Variants in BCKDHB observed in about 807,000 individuals in gnomAD.
BCKDHB encodes 2-oxoisovalerate dehydrogenase subunit beta, mitochondrial.
A neutral mutation model predicts 48.5 loss-of-function variants in BCKDHB; 41 were observed. The observed-to-expected ratio is 0.85, with a 90% CI of 0.66 to 1.10. The LOEUF is 1.10. BCKDHB is among the 50% of genes least tolerant of loss of function. The pLI, the probability that BCKDHB is intolerant of heterozygous loss-of-function variation, is 0.00. For missense variants in BCKDHB, 496 were observed against 494.2 expected, an observed-to-expected ratio of 1.00 and a Z score of -0.03; for synonymous variants, 201 against 174.8, an observed-to-expected ratio of 1.15 and a Z score of -1.18.
the BCKDHB span, among the ~76,000 whole-genome samples, chr6:80,394,238 C>G: frequency 3.9e-5 from 6 of 152,166 alleles, no homozygotes; most frequent in South Asian, 1.2e-3. Context: ...TCTACTGTTT[C>G]AATCTCTTTA....
In BCKDHB at chr6:80,171,342, A is replaced by G; in HGVS notation, c.694A>G (p.Lys232Glu). 1.2e-6 allele frequency: 2 copies of G among 1,608,366 alleles called. No homozygotes were observed. Among genetic ancestry groups the G allele is most frequent in the Non-Finnish European group, 1.7e-6 (2 of 1,177,788 alleles). ...ACTTCTTTTGTCATGCATAGAGGAT[A>G]AAAATCCTTGTATATTTTTTGAACC... is the stretch of plus-strand genomic sequence containing the variant. Reference protein sequence around the residue: ...KGLLLSCIEDKNPCIFFEPKI... With the variant: ...KGLLLSCIEDENPCIFFEPKI... Residue 232 changes from lysine to glutamate, a missense_variant, in exon 6 of 10, where the codon AAA becomes GAA. Transcript: ENST00000320393.
At chr6:80,256,665 CA>C (rs1777065907) in intron 8 of BCKDHB, among the ~76,000 whole-genome samples, 3 of 152,222 alleles carry the variant, frequency 2.0e-5, no homozygotes, top group African/African-American at 7.2e-5. Context: ...TTAACAGTCT[CA>C]GGTAGTTCTT....
intron 8 of BCKDHB, among the ~76,000 whole-genome samples, chr6:80,237,321 G>A (rs1420003129): frequency 6.6e-6 from 1 of 152,192 alleles, no homozygotes; most frequent in Non-Finnish European, 1.5e-5. Context: ...TCGGCTGATT[G>A]AGTAACTGAA....
chr6:80,113,286 C>T (rs188575788), intron 1 of BCKDHB, among the ~76,000 whole-genome samples: 12 of 152,326 alleles, frequency 7.9e-5, no homozygotes, highest in Admixed American at 7.8e-4. Context: ...CAGCTATCCC[C>T]CTTGGCCTTC....
At chr6:80,188,462 C>T (rs911937049) in intron 6 of BCKDHB, among the ~76,000 whole-genome samples, 1 of 151,934 alleles carries the variant, frequency 6.6e-6, no homozygotes, top group African/African-American at 2.4e-5. Context: ...ATGGTGAGAC[C>T]CCCGTCTCTA....
intron 6 of BCKDHB, among the ~76,000 whole-genome samples, chr6:80,178,589 C>A (rs1341305884): frequency 6.6e-6 from 1 of 152,104 alleles, no homozygotes; most frequent in African/African-American, 2.4e-5. Flanking sequence ...TCTTTAAGTA[C>A]CATTAGAACA....
intron 9 of BCKDHB, among the ~76,000 whole-genome samples, chr6:80,337,355 C>T (rs1407150752): frequency 6.6e-6 from 1 of 152,042 alleles, no homozygotes; most frequent in Non-Finnish European, 1.5e-5. Context: ...TTGTTTTTCT[C>T]ATATTCTTAG....
the BCKDHB span, among the ~76,000 whole-genome samples, chr6:80,416,000 G>A: frequency 1.4e-4 from 21 of 151,990 alleles, no homozygotes; most frequent in African/African-American, 4.6e-4. Context: ...TCTGTTTTGG[G>A]AGGGTGTATT....
intron 8 of BCKDHB, among the ~76,000 whole-genome samples, chr6:80,230,032 T>G (rs1442977017): frequency 8.5e-4 from 100 of 117,304 alleles, no homozygotes; most frequent in African/African-American, 3.0e-3. Context: ...GGTTGTTTTT[T>G]TTTTTTTTTT....
chr6:80,259,375 A>G (rs1158730007), intron 8 of BCKDHB, among the ~76,000 whole-genome samples: 1 of 152,202 alleles, frequency 6.6e-6, no homozygotes, highest in Non-Finnish European at 1.5e-5. Context: ...ACGCTTTGGC[A>G]TCATAAAGTA....
intron 9 of BCKDHB, among the ~76,000 whole-genome samples, chr6:80,321,493 G>T (rs1040769047): frequency 1.2e-4 from 19 of 152,146 alleles, no homozygotes; most frequent in Admixed American, 1.2e-3. Flanking sequence ...TGGTCATGAG[G>T]ATGGTGTTGG....
the BCKDHB span, among the ~76,000 whole-genome samples, chr6:80,462,468 G>A: frequency 6.6e-6 from 1 of 152,130 alleles, no homozygotes; most frequent in East Asian, 1.9e-4. Context: ...GGATTTCTGG[G>A]CAACTTTTCT....
At chr6:80,327,894 C>G (rs1272878924) in intron 9 of BCKDHB, among the ~76,000 whole-genome samples, 1 of 147,184 alleles carries the variant, frequency 6.8e-6, no homozygotes, top group Non-Finnish European at 1.5e-5. Context: ...CCCTTTTCCC[C>G]TCCCCTTTTC....
the BCKDHB span, among the ~76,000 whole-genome samples, chr6:80,464,759 A>C: frequency 6.6e-6 from 1 of 152,196 alleles, no homozygotes; most frequent in East Asian, 1.9e-4. Context: ...TAGTTTCTGT[A>C]TTCTAGGATA....
intron 8 of BCKDHB, among the ~76,000 whole-genome samples, chr6:80,240,170 A>C (rs894282689): frequency 6.6e-6 from 1 of 152,112 alleles, no homozygotes; most frequent in African/African-American, 2.4e-5. Context: ...TGGGGATGGC[A>C]TTGAATCATG....
At chr6:80,390,381 G>A in the BCKDHB span, among the ~76,000 whole-genome samples, 1 of 152,160 alleles carries the variant, frequency 6.6e-6, no homozygotes, top group Non-Finnish European at 1.5e-5. Context: ...TACAGAATGG[G>A]TAGTAGAAAA....
intron 8 of BCKDHB, among the ~76,000 whole-genome samples, chr6:80,226,647 A>C (rs1296102356): frequency 6.6e-6 from 1 of 152,230 alleles, no homozygotes; most frequent in Non-Finnish European, 1.5e-5. Context: ...AGAAATATAC[A>C]ATAAGAAGCT....
the BCKDHB span, among the ~76,000 whole-genome samples, chr6:80,360,097 G>A: frequency 1.3e-5 from 2 of 152,148 alleles, no homozygotes; most frequent in Non-Finnish European, 2.9e-5. Context: ...ACAAGACATT[G>A]GGGAGGAGGC....
intron 9 of BCKDHB, among the ~76,000 whole-genome samples, chr6:80,282,323 T>G (rs1462918465): frequency 6.6e-6 from 1 of 152,192 alleles, no homozygotes; most frequent in Non-Finnish European, 1.5e-5. Context: ...GTGAATGTAT[T>G]AATAGAAATT....
Sources: gnomAD v4.1 joint callset for allele counts (sites outside exome capture counted in the v4.1 genomes callset) on GRCh38, gnomAD v4.1.1 for gene constraint, MANE v1.5 for transcripts, NCBI Gene and HGNC (gene_info 2026-07-23, HGNC 2026-07-21) for gene names.